LIMCH1: variants seen among roughly 807,000 people sequenced by gnomAD.
The protein encoded by LIMCH1 is LIM and calponin homology domains-containing protein 1.
A neutral mutation model predicts 176.5 loss-of-function variants in LIMCH1; 113 were observed. The ratio of observed to expected loss-of-function variants is 0.64; its 90% CI spans 0.55 to 0.75. LIMCH1 has a LOEUF of 0.75. Ranked by LOEUF, LIMCH1 falls within the 30% of genes least tolerant of loss-of-function variation. The pLI is 0.00. For synonymous variants in LIMCH1, 619 were observed against 645.9 expected (o/e 0.96, Z 0.63); for missense variants, 1,674 against 1,814.9 (o/e 0.92, Z 1.41).
chr4:41,584,441 C>A (rs6814562), intron 1 of LIMCH1, among the ~76,000 whole-genome samples: 52,784 of 152,028 alleles, frequency 0.35, 14,627 homozygotes, highest in African/African-American at 0.77. Context: ...TTAAACTGTG[C>A]TTTATGAGCT....
intron 1 of LIMCH1, among the ~76,000 whole-genome samples, chr4:41,483,296 G>T (rs2068963232): frequency 1.3e-5 from 2 of 152,074 alleles, no homozygotes; most frequent in Non-Finnish European, 2.9e-5. Flanking sequence ...TTGGTGGGGG[G>T]TGTGGGGCCA....
chr4:41,689,957 T>C (rs1016213612), intron 30 of LIMCH1, among the ~76,000 whole-genome samples: 4 of 152,218 alleles, frequency 2.6e-5, no homozygotes, highest in Admixed American at 2.0e-4. Context: ...GCCATGTGGA[T>C]TTATTTGGAA....
At chr4:41,450,459 G>T (rs1056245451) in intron 1 of LIMCH1, among the ~76,000 whole-genome samples, 1 of 152,060 alleles carries the variant, frequency 6.6e-6, no homozygotes, top group Non-Finnish European at 1.5e-5. Context: ...TGCTGCATGA[G>T]TAGAGGGAAT....
chr4:41,614,966 G>A (rs1006388261), intron 5 of LIMCH1, among the ~76,000 whole-genome samples: 3 of 152,146 alleles, frequency 2.0e-5, no homozygotes, highest in Admixed American at 1.3e-4. Flanking sequence ...CTTTTGTTTA[G>A]GACTTAAACT....
chr4:41,367,846 G>A (rs1293562559), intron 1 of LIMCH1, among the ~76,000 whole-genome samples: 4 of 148,802 alleles, frequency 2.7e-5, no homozygotes, highest in Admixed American at 6.7e-5. Context: ...CAGCCTGGGC[G>A]GCAGTGCGAG....
chr4:41,378,219 A>G (rs894197843), intron 1 of LIMCH1, among the ~76,000 whole-genome samples: 1 of 152,250 alleles, frequency 6.6e-6, no homozygotes, highest in African/African-American at 2.4e-5. Context: ...ACTGGGTCAC[A>G]TCAGCAGAGG....
intron 1 of LIMCH1, among the ~76,000 whole-genome samples, chr4:41,406,115 A>G (rs183063037): frequency 6.6e-4 from 101 of 152,336 alleles, no homozygotes; most frequent in African/African-American, 1.0e-3. Flanking sequence ...TTGCTTCCTA[A>G]TAACTTTTGT....
chr4:41,416,732 A>G (rs1220761049), intron 1 of LIMCH1, among the ~76,000 whole-genome samples: 1 of 152,146 alleles, frequency 6.6e-6, no homozygotes, highest in Admixed American at 6.6e-5. Context: ...CACACACAAT[A>G]TAGTATTAGG....
chr4:41,458,312 A>G (rs2064865173), intron 1 of LIMCH1, among the ~76,000 whole-genome samples: 2 of 152,162 alleles, frequency 1.3e-5, no homozygotes, highest in South Asian at 4.1e-4. Context: ...TTGTAAAAAA[A>G]CCAAATAAAT....
intron 18 of LIMCH1, among the ~76,000 whole-genome samples, chr4:41,655,531 A>T (rs1207632016): frequency 6.6e-6 from 1 of 152,260 alleles, no homozygotes; most frequent in Non-Finnish European, 1.5e-5. Context: ...CGTGAATTTC[A>T]TACAAATGAG....
At chr4:41,579,358 A>G (rs886490457) in intron 1 of LIMCH1, among the ~76,000 whole-genome samples, 2 of 152,200 alleles carry the variant, frequency 1.3e-5, no homozygotes, top group African/African-American at 4.8e-5. Flanking sequence ...CTGAGGCAGG[A>G]AAGGTCTTAA....
At chr4:41,587,923 C>CT (rs920914324) in intron 1 of LIMCH1, among the ~76,000 whole-genome samples, 11 of 151,896 alleles carry the variant, frequency 7.2e-5, no homozygotes, top group Admixed American at 1.3e-4. Flanking sequence ...ACTTTATATT[C>CT]TTTTTTTTAT....
chr4:41,404,050 T>C (rs1473714480), intron 1 of LIMCH1, among the ~76,000 whole-genome samples: 1 of 152,222 alleles, frequency 6.6e-6, no homozygotes, highest in Non-Finnish European at 1.5e-5. Flanking sequence ...TAATAGTGCA[T>C]GCCAGAGCTA....
At chr4:41,419,483 A>T (rs990623324) in intron 1 of LIMCH1, among the ~76,000 whole-genome samples, 3 of 152,042 alleles carry the variant, frequency 2.0e-5, no homozygotes, top group Non-Finnish European at 4.4e-5. Context: ...CAAGTCATTA[A>T]GTTTTTTTTA....
chr4:41,409,113 A>T (rs1346347375), intron 1 of LIMCH1, among the ~76,000 whole-genome samples: 1 of 152,188 alleles, frequency 6.6e-6, no homozygotes, highest in African/African-American at 2.4e-5. Context: ...TTATTACATA[A>T]GCTGAGGAAC....
chr4:41,573,115 C>T (rs1218738147), intron 1 of LIMCH1, among the ~76,000 whole-genome samples: 2 of 152,216 alleles, frequency 1.3e-5, no homozygotes, highest in African/African-American at 4.8e-5. Context: ...TGTCGTGTCT[C>T]CTCTTTCTAT....
chr4:41,419,673 CTTCCTTCCTCCTTCCT>C (rs1195937220), intron 1 of LIMCH1, among the ~76,000 whole-genome samples: 20 of 76,378 alleles, frequency 2.6e-4, no homozygotes, highest in Non-Finnish European at 4.4e-4. Flanking sequence ...TCCTTCCTTC[CTTCCTTCCTCCTTCCT>C]TCCTTCCTTC....
chr4:41,544,544 G>T (rs886602374), intron 1 of LIMCH1, among the ~76,000 whole-genome samples: 1 of 152,130 alleles, frequency 6.6e-6, no homozygotes, highest in Non-Finnish European at 1.5e-5. Context: ...GTGCCCAGTG[G>T]TTCCCTAATT....
At chr4:41,685,491 A>G (rs756319959) in intron 27 of LIMCH1, among the ~76,000 whole-genome samples, 3 of 152,190 alleles carry the variant, frequency 2.0e-5, no homozygotes, top group Admixed American at 6.5e-5. Flanking sequence ...GACATCAGAA[A>G]TCAGCGAGGG....
Sources: allele counts gnomAD v4.1 joint callset (sites outside exome capture counted in the v4.1 genomes callset), GRCh38; gene constraint gnomAD v4.1.1; transcripts MANE v1.5; gene names NCBI Gene and HGNC (gene_info 2026-07-23, HGNC 2026-07-21).